The following JPH3 variants were observed in gnomAD, a reference collection of about 807,000 sequenced individuals.
The protein encoded by JPH3 is junctophilin 3.
Under a neutral mutation model 59.6 loss-of-function variants are expected in JPH3, and 11 were observed. The observed-to-expected ratio is 0.18, with a 90% CI of 0.12 to 0.31. The LOEUF (loss-of-function observed/expected upper bound fraction) is 0.31, where lower values mean the gene tolerates loss of function less well. JPH3 is among the 10% of genes least tolerant of loss of function. The pLI, the probability that JPH3 is intolerant of heterozygous loss-of-function variation, is 1.00. For synonymous variants in JPH3, 673 were observed against 483.6 expected (o/e 1.39, Z -5.14); for missense variants, 1,202 against 1,105.7 (o/e 1.09, Z -1.24).
chr16:87,662,181 C>T (rs1162627790), intron 2 of JPH3, among the ~76,000 whole-genome samples: 2 of 152,208 alleles, frequency 1.3e-5, no homozygotes, highest in Admixed American at 6.5e-5. Context: ...GCGCCGGTCC[C>T]AGAGCCTGGG....
chr16:87,617,670 A>G (rs530932289), intron 1 of JPH3, among the ~76,000 whole-genome samples: 333 of 152,232 alleles, frequency 2.2e-3, no homozygotes, highest in Non-Finnish European at 3.7e-3. Flanking sequence ...GGCAGAGGCC[A>G]GGAGTCTGGG....
chr16:87,653,066 C>CT lies in JPH3; in HGVS notation c.1160+8032dup, dbSNP rs143182127. ...GCGTGGTCTCCAAGCCAGTCAGTGCCTGCGGGGGGGACTAGAATTCTCACC... is the reference window on the plus strand; with the variant it reads ...GCGTGGTCTCCAAGCCAGTCAGTGCCTTGCGGGGGGGACTAGAATTCTCACC... On this transcript the variant is annotated intron_variant, in intron 2 of 4. Transcript: ENST00000284262. Among the ~76,000 whole-genome samples, 801 of 151,018 alleles carry CT rather than the reference C, an allele frequency of 5.3e-3. 9 individuals are homozygous for CT. Among genetic ancestry groups the CT allele is most frequent in the African/African-American group, 0.019 (770 of 40,426 alleles).
intron 3 of JPH3, among the ~76,000 whole-genome samples, chr16:87,689,266 G>C (rs955175744): frequency 1.3e-5 from 2 of 152,186 alleles, no homozygotes; most frequent in Admixed American, 6.5e-5. Flanking sequence ...CAGGTGGTCA[G>C]CTAGGGTGAG....
At chr16:87,674,143 G>T (rs940427127) in intron 2 of JPH3, among the ~76,000 whole-genome samples, 1 of 151,818 alleles carries the variant, frequency 6.6e-6, no homozygotes, top group Admixed American at 6.6e-5. Context: ...GACCATCCTG[G>T]CTAACACGGT....
At chr16:87,604,711 C>T in intron 1 of JPH3, 4 of 1,066,774 alleles carry the variant, frequency 3.7e-6, no homozygotes, top group Non-Finnish European at 4.7e-6. Context: ...CGGCCACATC[C>T]AGGAGTGGCA....
chr16:87,607,845 C>G (rs1318769401), intron 1 of JPH3, among the ~76,000 whole-genome samples: 1 of 152,228 alleles, frequency 6.6e-6, no homozygotes, highest in Non-Finnish European at 1.5e-5. Flanking sequence ...AAGAAGCAAG[C>G]CCTGAGCAGT....
chr16:87,655,241 G>T (rs558156430), intron 2 of JPH3, among the ~76,000 whole-genome samples: 2 of 152,234 alleles, frequency 1.3e-5, no homozygotes, highest in African/African-American at 2.4e-5. Context: ...TTCGAGGCGC[G>T]CAGCCTGCCA....
intron 1 of JPH3, among the ~76,000 whole-genome samples, chr16:87,617,338 G>A (rs1002670131): frequency 6.6e-6 from 1 of 152,204 alleles, no homozygotes; most frequent in African/African-American, 2.4e-5. Context: ...GTCCCTTGAA[G>A]GGCATCTGGG....
chr16:87,644,676 C>CGAGGCT lies in JPH3; in HGVS notation c.807_812dup (p.Ala271_Glu272dup). 6.2e-7 allele frequency: 1 copy of CGAGGCT among 1,611,816 alleles called. No homozygotes were observed. The highest frequency in any genetic ancestry group is 8.5e-7 in the Non-Finnish European group (1 of 1,179,906). Reference sequence around the variant, plus strand: ...ACATCCACTCCACCATCAGCCTGGGCGAGGCTGAGGCCGAGCTGGCGGTCA... The same window carrying CGAGGCT: ...ACATCCACTCCACCATCAGCCTGGGCGAGGCTGAGGCTGAGGCCGAGCTGGCGGTCA... On this transcript the variant is annotated inframe_insertion, in exon 2 of 5. Coordinates refer to ENST00000284262, the MANE Select transcript of JPH3 (RefSeq NM_020655.4).
intron 1 of JPH3, among the ~76,000 whole-genome samples, chr16:87,629,913 A>T (rs550915046): frequency 6.6e-6 from 1 of 152,244 alleles, no homozygotes; most frequent in East Asian, 1.9e-4. Flanking sequence ...GGGCGAGGGG[A>T]TACAGTATAT....
intron 1 of JPH3, among the ~76,000 whole-genome samples, chr16:87,629,122 C>T (rs530424276): frequency 8.5e-5 from 13 of 152,218 alleles, no homozygotes; most frequent in Non-Finnish European, 1.5e-5. Context: ...GCAAGTGACT[C>T]ACTTCTCTGA....
chr16:87,661,226 A>G (rs1471851264), intron 2 of JPH3, among the ~76,000 whole-genome samples: 1 of 152,012 alleles, frequency 6.6e-6, no homozygotes, highest in African/African-American at 2.4e-5. Context: ...TCTTACAAGG[A>G]CCCTTGTGGT....
intron 1 of JPH3, among the ~76,000 whole-genome samples, chr16:87,633,759 C>T (rs981068318): frequency 2.0e-5 from 3 of 152,022 alleles, no homozygotes; most frequent in Non-Finnish European, 4.4e-5. Flanking sequence ...AGATCACACA[C>T]TGCACTCCAG....
chr16:87,621,674 T>A (rs184516090), intron 1 of JPH3, among the ~76,000 whole-genome samples: 1 of 152,150 alleles, frequency 6.6e-6, no homozygotes, highest in East Asian at 1.9e-4. Flanking sequence ...AAGGGCCGGG[T>A]TTATTCCTCC....
chr16:87,604,323 G>T (rs1039411933), intron 1 of JPH3: 1 of 1,465,656 alleles, frequency 6.8e-7, no homozygotes, highest in Admixed American at 2.1e-5. Context: ...TGCTGCTGCT[G>T]CTGCTGTAAG....
chr16:87,648,159 G>C (rs1194528886), intron 2 of JPH3, among the ~76,000 whole-genome samples: 1 of 152,194 alleles, frequency 6.6e-6, no homozygotes, highest in Admixed American at 6.5e-5. Flanking sequence ...AGTATTTTTG[G>C]TCATCAGAGG....
chr16:87,660,848 A>G (rs760456891), intron 2 of JPH3, among the ~76,000 whole-genome samples: 10 of 152,202 alleles, frequency 6.6e-5, no homozygotes, highest in Non-Finnish European at 1.3e-4. Flanking sequence ...CATCCAGGAC[A>G]CATCCAAGTG....
intron 3 of JPH3, among the ~76,000 whole-genome samples, chr16:87,687,470 G>C (rs1019743217): frequency 6.6e-6 from 1 of 152,196 alleles, no homozygotes; most frequent in African/African-American, 2.4e-5. Context: ...AACTCTGACC[G>C]TCAGGGTTCT....
chr16:87,656,463 C>A (rs575704583), intron 2 of JPH3, among the ~76,000 whole-genome samples: 2 of 152,324 alleles, frequency 1.3e-5, no homozygotes, highest in South Asian at 2.1e-4. Context: ...CGTTCTGCCC[C>A]GGTATGTCTG....
Sources: allele counts gnomAD v4.1 joint callset (sites outside exome capture counted in the v4.1 genomes callset), GRCh38; gene constraint gnomAD v4.1.1; transcripts MANE v1.5; gene names NCBI Gene and HGNC (gene_info 2026-07-23, HGNC 2026-07-21).